Variants in PLEKHA7 observed in about 807,000 individuals in gnomAD.
The protein encoded by PLEKHA7 is pleckstrin homology domain-containing family A member 7.
Under a neutral mutation model 170.0 loss-of-function variants are expected in PLEKHA7, and 104 were observed. The ratio of observed to expected loss-of-function variants is 0.61; its 90% CI spans 0.52 to 0.72. The LOEUF (loss-of-function observed/expected upper bound fraction) is 0.72, where lower values mean the gene tolerates loss of function less well. Among genes scored for constraint, PLEKHA7 ranks in the 30% least tolerant of loss-of-function variants. The pLI is 0.00. For missense variants in PLEKHA7, 1,615 were observed against 1,671.7 expected (o/e 0.97, Z 0.59); for synonymous variants, 648 against 660.8 (o/e 0.98, Z 0.30).
chr11:16,832,571 A>C (rs1305310533), intron 9 of PLEKHA7, among the ~76,000 whole-genome samples: 2 of 152,080 alleles, frequency 1.3e-5, no homozygotes, highest in Non-Finnish European at 2.9e-5. Context: ...GGCAATGAGG[A>C]ATATTTCCTC....
At chr11:16,968,232 A>G (rs910301919) in intron 3 of PLEKHA7, among the ~76,000 whole-genome samples, 2 of 152,186 alleles carry the variant, frequency 1.3e-5, no homozygotes, top group African/African-American at 4.8e-5. Context: ...ACTCATCAGT[A>G]GAGATCTGCC....
At chr11:16,991,896 A>G (rs1255680880) in intron 3 of PLEKHA7, among the ~76,000 whole-genome samples, 2 of 152,184 alleles carry the variant, frequency 1.3e-5, no homozygotes, top group Non-Finnish European at 2.9e-5. Flanking sequence ...AGTGGCGTGG[A>G]CTAGGGTGGT....
chr11:16,835,755 A>T (rs1466924569), intron 9 of PLEKHA7, among the ~76,000 whole-genome samples: 1 of 152,240 alleles, frequency 6.6e-6, no homozygotes, highest in Non-Finnish European at 1.5e-5. Context: ...ACCCAGGTCT[A>T]TCCGATTTCA....
intron 3 of PLEKHA7, among the ~76,000 whole-genome samples, chr11:16,893,155 T>A (rs1856783211): frequency 6.6e-6 from 1 of 152,112 alleles, no homozygotes; most frequent in African/African-American, 2.4e-5. Context: ...CTACAAGGTA[T>A]TATCATCTTA....
intron 8 of PLEKHA7, among the ~76,000 whole-genome samples, chr11:16,848,131 A>T (rs1416428811): frequency 6.6e-6 from 1 of 152,224 alleles, no homozygotes; most frequent in East Asian, 1.9e-4. Context: ...AATTTGATAG[A>T]TATACAAAGA....
At chr11:16,838,978 A>G (rs7951328) in intron 9 of PLEKHA7, among the ~76,000 whole-genome samples, 24,398 of 151,906 alleles carry the variant, frequency 0.16, 2,389 homozygotes, top group African/African-American at 0.27. Context: ...GAGCCACCGC[A>G]CCCGGCCACA....
intron 3 of PLEKHA7, among the ~76,000 whole-genome samples, chr11:16,936,704 C>CA: frequency 6.6e-6 from 1 of 152,362 alleles, no homozygotes; most frequent in Non-Finnish European, 1.5e-5. Flanking sequence ...TAAACACATT[C>CA]ACCATGTGCA....
intron 26 of PLEKHA7, chr11:16,781,018 G>A: frequency 1.0e-6 from 1 of 986,292 alleles, no homozygotes; most frequent in Non-Finnish European, 1.2e-6. Context: ...TGGAAGACAG[G>A]GGGCCTTTAG....
chr11:16,807,633 C>T (rs902028970), intron 13 of PLEKHA7, among the ~76,000 whole-genome samples: 4 of 152,124 alleles, frequency 2.6e-5, no homozygotes, highest in Non-Finnish European at 5.9e-5. Context: ...AGTTTAGAGT[C>T]GTGCCATGCA....
chr11:16,971,679 T>C (rs981462514), intron 3 of PLEKHA7, among the ~76,000 whole-genome samples: 1 of 152,198 alleles, frequency 6.6e-6, no homozygotes, highest in Non-Finnish European at 1.5e-5. Context: ...AGATACATAT[T>C]TGAATTATTA....
chr11:16,872,939 T>C (rs1418052453), intron 3 of PLEKHA7, among the ~76,000 whole-genome samples: 1 of 152,146 alleles, frequency 6.6e-6, no homozygotes, highest in African/African-American at 2.4e-5. Context: ...TCTAGAAAGA[T>C]TTATACTCTT....
intron 26 of PLEKHA7, 128 bp downstream of exon 26, chr11:16,782,626 C>T (rs1452218532): frequency 3.2e-6 from 4 of 1,243,218 alleles, no homozygotes; most frequent in South Asian, 2.9e-5. Context: ...GGGGAACACA[C>T]CACTGACCCT....
chr11:16,896,859 A>C (rs1295343675), intron 3 of PLEKHA7, among the ~76,000 whole-genome samples: 2 of 152,128 alleles, frequency 1.3e-5, no homozygotes, highest in African/African-American at 4.8e-5. Flanking sequence ...CCATGTCCTT[A>C]TCTCTCTGGC....
At chr11:16,976,595 T>C (rs1863079262) in intron 3 of PLEKHA7, among the ~76,000 whole-genome samples, 1 of 152,202 alleles carries the variant, frequency 6.6e-6, no homozygotes, top group South Asian at 2.1e-4. Context: ...CTTATGAAGG[T>C]GGTTGGACTA....
chr11:16,892,574 T>A (rs1196685031), intron 3 of PLEKHA7, among the ~76,000 whole-genome samples: 1 of 149,794 alleles, frequency 6.7e-6, no homozygotes, highest in African/African-American at 2.5e-5. Flanking sequence ...GCCTCCAAAG[T>A]AGCTGGGACC....
chr11:16,907,247 C>T lies in PLEKHA7; in HGVS notation c.222-36065G>A, dbSNP rs527675345. ...CCCCCACCTGGCCAGCCGCCCCGTC[C>T]GGGAAGGATGTGGGGGGGTCAGCCC... is the stretch of plus-strand genomic sequence containing the variant. On this transcript the variant is annotated intron_variant, in intron 3 of 26. Coordinates refer to ENST00000531066, the MANE Select transcript of PLEKHA7 (RefSeq NM_001329630.2). Among the ~76,000 whole-genome samples the T allele has an allele frequency of 6.9e-3, 970 of 141,092 alleles. 21 individuals carry two copies. Among genetic ancestry groups the T allele is most frequent in the African/African-American group, 0.025 (900 of 35,792 alleles). The allele number at this position is 141,092 out of a possible 152,430, so 92.6% of individuals were successfully genotyped here. A position where few individuals can be genotyped will look rare whatever the true frequency, so the allele number is the denominator to read the frequency against.
intron 3 of PLEKHA7, among the ~76,000 whole-genome samples, chr11:16,953,291 G>T (rs1207296300): frequency 1.3e-5 from 2 of 152,220 alleles, no homozygotes; most frequent in Non-Finnish European, 2.9e-5. Flanking sequence ...TCAGCAAAAT[G>T]CCTTGTACTG....
chr11:16,841,441 C>G, intron 9 of PLEKHA7, 106 bp downstream of exon 9: 2 of 1,281,462 alleles, frequency 1.6e-6, no homozygotes, highest in Middle Eastern at 2.8e-4. Context: ...GAGGGCAATG[C>G]TTAATACAAG....
intron 21 of PLEKHA7, 39 bp downstream of exon 21, chr11:16,790,758 TG>T: frequency 6.3e-7 from 1 of 1,582,296 alleles, no homozygotes; most frequent in African/African-American, 1.3e-5. Context: ...AGCAGTGTGG[TG>T]GGATTCCCAG....
Sources: gnomAD v4.1 joint callset for allele counts (sites outside exome capture counted in the v4.1 genomes callset) on GRCh38, gnomAD v4.1.1 for gene constraint, MANE v1.5 for transcripts, NCBI Gene and HGNC (gene_info 2026-07-23, HGNC 2026-07-21) for gene names.